CDH13: variants seen among roughly 807,000 people sequenced by gnomAD.
CDH13 encodes the protein cadherin 13.
Under a neutral mutation model 63.8 loss-of-function variants are expected in CDH13, and 24 were observed. That is an observed-to-expected ratio of 0.38 (90% CI 0.27 to 0.53). CDH13 has a LOEUF of 0.53. CDH13 is among the 20% of genes least tolerant of loss of function. CDH13 has a pLI of 0.85. For missense variants in CDH13, 1,049 were observed against 903.1 expected (o/e 1.16, Z -2.07); for synonymous variants, 503 against 355.3 (o/e 1.42, Z -4.67).
chr16:82,892,561 C>G (rs1378452513), intron 2 of CDH13, among the ~76,000 whole-genome samples: 1 of 152,106 alleles, frequency 6.6e-6, no homozygotes, highest in African/African-American at 2.4e-5. Context: ...CTTGGAAGGG[C>G]AAAACAGTTA....
intron 1 of CDH13, among the ~76,000 whole-genome samples, chr16:82,633,620 A>C (rs1251978625): frequency 6.6e-6 from 1 of 152,102 alleles, no homozygotes; most frequent in African/African-American, 2.4e-5. Flanking sequence ...CTCGTGATCC[A>C]CCTGCCTCGG....
chr16:83,145,230 G>C (rs1317604246), intron 4 of CDH13, among the ~76,000 whole-genome samples: 1 of 152,188 alleles, frequency 6.6e-6, no homozygotes, highest in Admixed American at 6.5e-5. Flanking sequence ...CTTGGTCGCT[G>C]ACAAACTCGG....
At chr16:83,170,523 C>T (rs1415119238) in intron 4 of CDH13, among the ~76,000 whole-genome samples, 1 of 152,116 alleles carries the variant, frequency 6.6e-6, no homozygotes, top group Admixed American at 6.6e-5. Flanking sequence ...CAATTCCACT[C>T]TATCAGCCTT....
At position 83,090,347 on chromosome 16, in the gene CDH13, G is replaced by A. The variant is rs867895176; in HGVS notation, c.367-35038G>A. Among the ~76,000 whole-genome samples, 190 of 152,092 alleles carry A rather than the reference G, an allele frequency of 1.2e-3. 1 individual carries two copies. The highest frequency in any genetic ancestry group is 4.2e-3 in the African/African-American group (176 of 41,490). On this transcript the variant is annotated intron_variant, in intron 3 of 13. Transcript: ENST00000567109. Reference sequence around the variant, plus strand: ...TCCCAGCACTTTGGGAGGCCGAGGCGGGCAGATCATGAGGTCAGGAGTTGG... The same window carrying A: ...TCCCAGCACTTTGGGAGGCCGAGGCAGGCAGATCATGAGGTCAGGAGTTGG...
At chr16:82,803,871 A>G (rs2037002414) in intron 1 of CDH13, among the ~76,000 whole-genome samples, 1 of 152,152 alleles carries the variant, frequency 6.6e-6, no homozygotes, top group East Asian at 1.9e-4. Flanking sequence ...TGGGAAGAAA[A>G]AGTTCTAGAG....
intron 1 of CDH13, among the ~76,000 whole-genome samples, chr16:82,692,899 C>T: frequency 6.6e-6 from 1 of 152,158 alleles, no homozygotes; most frequent in East Asian, 1.9e-4. Flanking sequence ...AATCCTCTTC[C>T]CTTGAGGAAC....
At chr16:83,696,341 G>T (rs72797236) in intron 10 of CDH13, among the ~76,000 whole-genome samples, 17,049 of 152,216 alleles carry the variant, frequency 0.11, 1,128 homozygotes, top group Non-Finnish European at 0.15. Flanking sequence ...GGGTCTTCAT[G>T]TGCAGCGGGC....
intron 1 of CDH13, among the ~76,000 whole-genome samples, chr16:82,767,063 A>G (rs2035083635): frequency 6.6e-6 from 1 of 152,210 alleles, no homozygotes; most frequent in African/African-American, 2.4e-5. Context: ...ACATTTCAAA[A>G]TAAATTGTAG....
At chr16:82,842,662 G>A (rs533538047) in intron 1 of CDH13, among the ~76,000 whole-genome samples, 34 of 152,172 alleles carry the variant, frequency 2.2e-4, no homozygotes, top group Admixed American at 2.2e-3. Flanking sequence ...GGGGAGGGGA[G>A]GATTTGGGGA....
intron 13 of CDH13, among the ~76,000 whole-genome samples, chr16:83,794,626 C>CATATATATATATATATATAT (rs34550866): frequency 8.0e-5 from 12 of 149,114 alleles, no homozygotes; most frequent in African/African-American, 2.5e-4. Context: ...CTTAAGTCAA[C>CATATATATATATATATATAT]ATATATATAT....
At chr16:82,714,712 T>TAAAAAAAAAAAAAAAAA (rs71146088) in intron 1 of CDH13, among the ~76,000 whole-genome samples, 1 of 29,986 alleles carries the variant, frequency 3.3e-5, no homozygotes, top group Non-Finnish European at 6.2e-5. Flanking sequence ...AGACTCCATC[T>TAAAAAAAAAAAAAAAAA]AAAAAAAAAA....
At chr16:83,015,119 T>C (rs1350296494) in intron 2 of CDH13, among the ~76,000 whole-genome samples, 1 of 151,672 alleles carries the variant, frequency 6.6e-6, no homozygotes, top group East Asian at 1.9e-4. Flanking sequence ...AGCTTGCAAA[T>C]TTGGTAGAAT....
chr16:83,800,578 G>C lies in CDH13; in HGVS notation c.*5548G>C, dbSNP rs1904315804. 6.6e-6 allele frequency: 1 copy of C among 152,214 alleles called. No individual in the cohort carries two copies. Among genetic ancestry groups the C allele is most frequent in the African/African-American group, 2.4e-5 (1 of 41,452 alleles). 9.4% of individuals were successfully genotyped at this position (152,214 alleles called of 1,614,324 possible). On this transcript the variant is annotated 3_prime_UTR_variant, in exon 14 of 14. Coordinates refer to ENST00000567109, the MANE Select transcript of CDH13 (RefSeq NM_001257.5). ...AAACTAACATTTGCTTTACTATGTAGTTACAGAGAAATGTGCAACTTGTTT... is the reference window on the plus strand; with the variant it reads ...AAACTAACATTTGCTTTACTATGTACTTACAGAGAAATGTGCAACTTGTTT...
intron 13 of CDH13, among the ~76,000 whole-genome samples, chr16:83,788,497 G>A (rs776652486): frequency 6.6e-6 from 1 of 150,968 alleles, no homozygotes; most frequent in Non-Finnish European, 1.5e-5. Flanking sequence ...AAAAAGACTT[G>A]GCAGTATTTT....
intron 1 of CDH13, among the ~76,000 whole-genome samples, chr16:82,698,056 A>C (rs191060764): frequency 2.4e-4 from 36 of 152,126 alleles, no homozygotes; most frequent in Non-Finnish European, 4.1e-4. Flanking sequence ...GAATGGATGA[A>C]TGAATGAATG....
chr16:83,103,678 T>C (rs2034626486), intron 3 of CDH13, among the ~76,000 whole-genome samples: 1 of 152,212 alleles, frequency 6.6e-6, no homozygotes, highest in Admixed American at 6.5e-5. Flanking sequence ...ACGTATGTCC[T>C]TGAGCAGAGT....
chr16:82,738,815 A>G (rs998944394), intron 1 of CDH13, among the ~76,000 whole-genome samples: 1 of 152,102 alleles, frequency 6.6e-6, no homozygotes, highest in Non-Finnish European at 1.5e-5. Flanking sequence ...TATCTCACAC[A>G]TTTCGCTTAT....
chr16:83,498,022 C>G (rs1438879695), intron 7 of CDH13, among the ~76,000 whole-genome samples: 1 of 152,206 alleles, frequency 6.6e-6, no homozygotes, highest in East Asian at 1.9e-4. Context: ...GTAATTAAAT[C>G]TAGCTCAAAA....
chr16:83,107,352 C>T (rs1226121706), intron 3 of CDH13, among the ~76,000 whole-genome samples: 2 of 152,092 alleles, frequency 1.3e-5, no homozygotes, highest in African/African-American at 4.8e-5. Context: ...TGGTGATTCT[C>T]TCCTCAGCTA....
Sources: gnomAD v4.1 joint callset for allele counts (sites outside exome capture counted in the v4.1 genomes callset) on GRCh38, gnomAD v4.1.1 for gene constraint, MANE v1.5 for transcripts, NCBI Gene and HGNC (gene_info 2026-07-23, HGNC 2026-07-21) for gene names.